MSR1: variants seen among roughly 807,000 people sequenced by gnomAD.
MSR1 encodes macrophage scavenger receptor 1, also known as macrophage scavenger receptor types I and II.
MSR1 carries 53 observed loss-of-function variants against 47.2 expected under a neutral mutation model. The ratio of observed to expected loss-of-function variants is 1.12; its 90% confidence interval spans 0.90 to 1.41. MSR1 has a LOEUF of 1.41. Ranked by LOEUF, MSR1 falls within the 40% of genes most tolerant of loss-of-function variation. MSR1 has a pLI of 0.00. For synonymous variants in MSR1, 239 were observed against 185.6 expected (o/e 1.29, Z -2.34); for missense variants, 786 against 546.9 (o/e 1.44, Z -4.36).
At chr8:16,148,668 G>T (rs1379037773) in intron 7 of MSR1, among the ~76,000 whole-genome samples, 2 of 151,910 alleles carry the variant, frequency 1.3e-5, no homozygotes, top group Non-Finnish European at 2.9e-5. Context: ...GTCTTGAACT[G>T]ATGACCTCAA....
Position 16,168,562 on chromosome 8 carries a change from T to C in MSR1, c.526A>G (p.Ile176Val), listed in dbSNP as rs944244480. The C allele has an allele frequency of 6.2e-7, 1 of 1,614,012 alleles. No homozygotes were observed. Among genetic ancestry groups the C allele is most frequent in the Non-Finnish European group, 8.5e-7 (1 of 1,180,010 alleles). Residue 176 changes from isoleucine to valine, a missense_variant, in exon 4 of 10, where the codon ATC becomes GTC. By Grantham distance (29) the Ile-to-Val change is conservative (BLOSUM62 3). Transcript: ENST00000262101. ...VQGHGNAIDEISKSLISLNTT... is the reference protein window; with the variant it reads ...VQGHGNAIDEVSKSLISLNTT... The stretch of plus-strand genomic sequence containing the variant: ...TTCAAACTTATTAAGGACTTGGAGA[T>C]TTCATCTATTGCATTCCCATGTCCC...
intron 4 of MSR1, among the ~76,000 whole-genome samples, chr8:16,166,614 C>T (rs749927224): frequency 2.6e-5 from 4 of 152,108 alleles, no homozygotes; most frequent in Non-Finnish European, 5.9e-5. Context: ...CCACATGCTA[C>T]CACCAGTGAC....
chr8:16,121,112 A>G (rs1287357818), intron 8 of MSR1: 4 of 407,034 alleles, frequency 9.8e-6, no homozygotes, highest in Non-Finnish European at 1.9e-5. Flanking sequence ...CAAGGGAAAC[A>G]AGGGAACTAT....
At chr8:16,127,384 A>G (rs967667363) in intron 8 of MSR1, among the ~76,000 whole-genome samples, 10 of 152,214 alleles carry the variant, frequency 6.6e-5, no homozygotes, top group Admixed American at 3.9e-4. Context: ...GCAATCAGCA[A>G]GACTATTTCT....
At chr8:16,176,897 G>A (rs1468697429) in intron 2 of MSR1, among the ~76,000 whole-genome samples, 2 of 152,102 alleles carry the variant, frequency 1.3e-5, no homozygotes, top group East Asian at 1.9e-4. Flanking sequence ...TGTATTTCAG[G>A]TTTGCTATGT....
At chr8:16,139,269 A>T (rs969379221) in intron 8 of MSR1, 3 of 984,452 alleles carry the variant, frequency 3.0e-6, no homozygotes, top group East Asian at 2.3e-4. Flanking sequence ...GCATTATACC[A>T]GCGGGGAAAA....
intron 6 of MSR1, among the ~76,000 whole-genome samples, chr8:16,153,382 C>T (rs1424122529): frequency 1.3e-5 from 2 of 151,828 alleles, no homozygotes; most frequent in African/African-American, 4.8e-5. Context: ...TTGTAGTGCA[C>T]CAAACAAAAT....
At chr8:16,131,529 T>C (rs1411083331) in intron 8 of MSR1, among the ~76,000 whole-genome samples, 1 of 149,742 alleles carries the variant, frequency 6.7e-6, no homozygotes, top group African/African-American at 2.4e-5. Flanking sequence ...CAATTGCTTT[T>C]GGCATCTTCA....
chr8:16,140,680 A>C (rs1248606001), intron 8 of MSR1: 1 of 1,301,596 alleles, frequency 7.7e-7, no homozygotes, highest in African/African-American at 1.5e-5. Context: ...CTCTAGGTCA[A>C]TGGGTGGCAG....
chr8:16,116,174 T>C (rs1330429137), intron 9 of MSR1, among the ~76,000 whole-genome samples: 3 of 152,208 alleles, frequency 2.0e-5, no homozygotes, highest in African/African-American at 7.2e-5. Flanking sequence ...AATACAACAT[T>C]GTGAGTCAGA....
chr8:16,186,148 T>C (rs1186579689), intron 1 of MSR1: 1 of 1,532,214 alleles, frequency 6.5e-7, no homozygotes. Context: ...ATGAAAGTTG[T>C]TCATGCTCAC....
At chr8:16,171,356 T>G (rs1563164760) in intron 3 of MSR1, among the ~76,000 whole-genome samples, 1 of 152,216 alleles carries the variant, frequency 6.6e-6, no homozygotes, top group Non-Finnish European at 1.5e-5. Flanking sequence ...TACCATATTT[T>G]TCCTTGTTTT....
intron 9 of MSR1, among the ~76,000 whole-genome samples, chr8:16,118,683 C>CA (rs1022475203): frequency 1.9e-4 from 29 of 151,464 alleles, no homozygotes; most frequent in African/African-American, 6.5e-4. Context: ...TCTCCAAAAC[C>CA]AAAAAAACAA....
At chr8:16,177,389 C>A (rs957105062) in intron 2 of MSR1, among the ~76,000 whole-genome samples, 1 of 151,996 alleles carries the variant, frequency 6.6e-6, no homozygotes, top group African/African-American at 2.4e-5. Flanking sequence ...AGGCAAGGAA[C>A]ACTAAGGACT....
chr8:16,140,260 A>T (rs1335095123), intron 8 of MSR1: 6 of 983,972 alleles, frequency 6.1e-6, no homozygotes, highest in Non-Finnish European at 6.0e-6. Flanking sequence ...TGTGCAATAG[A>T]ACAAGGCTCT....
chr8:16,117,336 C>T (rs143353312), intron 9 of MSR1, among the ~76,000 whole-genome samples: 183 of 152,132 alleles, frequency 1.2e-3, no homozygotes, highest in African/African-American at 4.2e-3. Flanking sequence ...GGGCTGCAGC[C>T]GTGATGCTAG....
chr8:16,153,990 T>C (rs1358408613), intron 6 of MSR1, among the ~76,000 whole-genome samples: 1 of 151,946 alleles, frequency 6.6e-6, no homozygotes, highest in Non-Finnish European at 1.5e-5. Flanking sequence ...ATGGGTAGGA[T>C]TGCTATTTTA....
chr8:16,140,141 A>G, intron 8 of MSR1: 2 of 984,918 alleles, frequency 2.0e-6, no homozygotes, highest in Non-Finnish European at 1.2e-6. Flanking sequence ...GTTGAGAATA[A>G]TGTTTGAATA....
chr8:16,147,180 A>G (rs1409403360), intron 7 of MSR1, among the ~76,000 whole-genome samples: 2 of 152,170 alleles, frequency 1.3e-5, no homozygotes, highest in Non-Finnish European at 2.9e-5. Context: ...AAACTTTCTG[A>G]AGTAAATATA....
Sources: allele counts gnomAD v4.1 joint callset (sites outside exome capture counted in the v4.1 genomes callset), GRCh38; gene constraint gnomAD v4.1.1; transcripts MANE v1.5; gene names NCBI Gene and HGNC (gene_info 2026-07-23, HGNC 2026-07-21).